C8orf88: variants seen among roughly 807,000 people sequenced by gnomAD.
C8orf88 encodes the protein uncharacterized protein C8orf88.
In C8orf88, 14 loss-of-function variants were observed where a neutral mutation model predicts 18.4. The ratio of observed to expected loss-of-function variants is 0.76; its 90% CI spans 0.50 to 1.19. C8orf88 has a LOEUF of 1.19. Among genes scored for constraint, C8orf88 ranks in the 50% most tolerant of loss-of-function variants. C8orf88 has a pLI of 0.00. For missense variants in C8orf88, 116 were observed against 134.7 expected (o/e 0.86, Z 0.69); for synonymous variants, 45 against 42.9 (o/e 1.05, Z -0.19).
intron 1 of C8orf88, among the ~76,000 whole-genome samples, chr8:90,984,428 G>T (rs886620991): frequency 6.6e-6 from 1 of 152,120 alleles, no homozygotes; most frequent in Non-Finnish European, 1.5e-5. Flanking sequence ...AACCACCTAT[G>T]ACTCAAGTGG....
rs1043190124 is a variant in C8orf88, at chr8:90,975,313, T to C, written c.147+3266A>G. Among the ~76,000 whole-genome samples the C allele has an allele frequency of 3.3e-5, 5 of 152,246 alleles. 1 individual carries two copies. The South Asian group carries it at 1.0e-3, about 32-fold the overall frequency. ...CTACAGTAGACTATAAAGTGCAATA[T>C]TGACATAAAGATAGACATAAATCAA... On this transcript the variant is annotated intron_variant, in intron 3 of 5. Transcript: ENST00000517562.
intron 2 of C8orf88, 144 bp downstream of exon 2, chr8:90,980,219 C>A: frequency 2.1e-6 from 1 of 467,804 alleles, no homozygotes. Flanking sequence ...AAGAATCTTT[C>A]TCCTTCAGTA....
chr8:90,971,736 TAAGATTGGCTAAGCTAATCTGA>T, intron 3 of C8orf88, among the ~76,000 whole-genome samples: 1 of 152,082 alleles, frequency 6.6e-6, no homozygotes, highest in South Asian at 2.1e-4. Flanking sequence ...ATCTTTATGA[TAAGATTGGCTAAGCTAATCTGA>T]TGATATTTTA....
chr8:90,981,277 T>G (rs1245953056), intron 1 of C8orf88, among the ~76,000 whole-genome samples: 5 of 152,202 alleles, frequency 3.3e-5, no homozygotes, highest in Non-Finnish European at 5.9e-5. Flanking sequence ...ATGGGCTAAA[T>G]TAGAGCCTCT....
At chr8:90,966,504 A>G (rs1811200998) in intron 4 of C8orf88, among the ~76,000 whole-genome samples, 1 of 147,540 alleles carries the variant, frequency 6.8e-6, no homozygotes, top group African/African-American at 2.5e-5. Flanking sequence ...AAAGTATAAT[A>G]ATAATAATAA....
At chr8:90,967,870 A>G (rs1027441543) in intron 4 of C8orf88, among the ~76,000 whole-genome samples, 6 of 151,818 alleles carry the variant, frequency 4.0e-5, no homozygotes, top group Admixed American at 1.3e-4. Flanking sequence ...TTAACCAAGG[A>G]GGTACATGAC....
chr8:90,961,394 C>A (rs1212362017), intron 4 of C8orf88, among the ~76,000 whole-genome samples: 2 of 151,010 alleles, frequency 1.3e-5, no homozygotes, highest in African/African-American at 4.9e-5. Flanking sequence ...GAAATGATTA[C>A]CAGAAACAAT....
At chr8:90,964,229 T>C (rs1451721907) in intron 4 of C8orf88, among the ~76,000 whole-genome samples, 1 of 151,648 alleles carries the variant, frequency 6.6e-6, no homozygotes, top group Non-Finnish European at 1.5e-5. Flanking sequence ...CACACATAGA[T>C]ACATCATAAT....
Position 90,967,672 on chromosome 8 carries a change from A to G in C8orf88, c.223+3394T>C, listed in dbSNP as rs140922368. Among the ~76,000 whole-genome samples, 188 of 151,750 alleles carry G rather than the reference A, an allele frequency of 1.2e-3. 2 individuals are homozygous for G. Among genetic ancestry groups the G allele is most frequent in the African/African-American group, 4.4e-3 (184 of 41,476 alleles). ...ATTCTGTGTTCCTAATAATTTTTCT[A>G]TTTTATGTAGGTTATCTAGTTTTTG... On this transcript the variant is annotated intron_variant, in intron 4 of 5. Transcript: ENST00000517562.
At chr8:90,981,079 G>T (rs1343171213) in intron 1 of C8orf88, among the ~76,000 whole-genome samples, 1 of 152,034 alleles carries the variant, frequency 6.6e-6, no homozygotes, top group Non-Finnish European at 1.5e-5. Context: ...TATACTTCCA[G>T]AATCTACTTC....
chr8:90,970,844 T>G (rs969838957), intron 4 of C8orf88, among the ~76,000 whole-genome samples: 13 of 152,180 alleles, frequency 8.5e-5, no homozygotes, highest in Non-Finnish European at 1.8e-4. Context: ...TTATGTGATA[T>G]AGAAAACCTA....
intron 3 of C8orf88, among the ~76,000 whole-genome samples, chr8:90,974,757 A>C (rs1051638360): frequency 1.3e-5 from 2 of 152,194 alleles, no homozygotes; most frequent in Non-Finnish European, 2.9e-5. Context: ...TCTTTCTTTT[A>C]GTTTTTAAAG....
intron 4 of C8orf88, among the ~76,000 whole-genome samples, chr8:90,961,788 G>A (rs1352285601): frequency 6.6e-6 from 1 of 151,370 alleles, no homozygotes; most frequent in Non-Finnish European, 1.5e-5. Flanking sequence ...ATATATAGAT[G>A]AAGGGTGTGG....
chr8:90,972,698 G>T (rs1388812118), intron 3 of C8orf88, among the ~76,000 whole-genome samples: 1 of 152,024 alleles, frequency 6.6e-6, no homozygotes, highest in Non-Finnish European at 1.5e-5. Context: ...CTATGTTATA[G>T]GTAAGGAAAA....
chr8:90,979,856 A>G (rs975640202), intron 2 of C8orf88, among the ~76,000 whole-genome samples: 2 of 152,234 alleles, frequency 1.3e-5, no homozygotes, highest in African/African-American at 4.8e-5. Context: ...AATGTTTAAA[A>G]TAGATATTTT....
rs79494807 is a variant in C8orf88, at chr8:90,983,035, C to T, written c.-27+2079G>A. 8.7e-3 allele frequency among the ~76,000 whole-genome samples: 1,318 copies of T among 152,192 alleles called. 7 individuals carry two copies. The highest frequency in any genetic ancestry group is 0.014 in the South Asian group (67 of 4,824). ...TACAAAACAAATTCAGTCTTAAACTCTAATGCCTGCTTCATCCATGGAATG... is the reference window on the plus strand; with the variant it reads ...TACAAAACAAATTCAGTCTTAAACTTTAATGCCTGCTTCATCCATGGAATG... On this transcript the variant is annotated intron_variant, in intron 1 of 5. Coordinates refer to ENST00000517562, the MANE Select transcript of C8orf88 (RefSeq NM_001190972.2).
At chr8:90,970,808 C>A (rs1386875796) in intron 4 of C8orf88, among the ~76,000 whole-genome samples, 2 of 152,012 alleles carry the variant, frequency 1.3e-5, no homozygotes, top group African/African-American at 4.8e-5. Context: ...CTTCACAGGG[C>A]AAGATCATTA....
intron 4 of C8orf88, among the ~76,000 whole-genome samples, chr8:90,967,012 T>C (rs1470791582): frequency 6.6e-6 from 1 of 151,940 alleles, no homozygotes; most frequent in Non-Finnish European, 1.5e-5. Flanking sequence ...ATGCTTTTAC[T>C]TCATCTTTCC....
At chr8:90,978,067 T>C (rs1320523433) in intron 3 of C8orf88, among the ~76,000 whole-genome samples, 2 of 152,126 alleles carry the variant, frequency 1.3e-5, no homozygotes, top group Non-Finnish European at 2.9e-5. Context: ...TCAGAGGAAA[T>C]AGGAGACTGG....
Sources: gnomAD v4.1 joint callset for allele counts (sites outside exome capture counted in the v4.1 genomes callset) on GRCh38, gnomAD v4.1.1 for gene constraint, MANE v1.5 for transcripts, NCBI Gene and HGNC (gene_info 2026-07-23, HGNC 2026-07-21) for gene names.